Variants in FAM135A observed in about 807,000 individuals in gnomAD.
FAM135A encodes the protein protein FAM135A.
Under a neutral mutation model 146.8 loss-of-function variants are expected in FAM135A, and 79 were observed. The observed-to-expected ratio is 0.54, with a 90% confidence interval of 0.45 to 0.65. FAM135A has a LOEUF of 0.65. Among genes scored for constraint, FAM135A ranks in the 30% least tolerant of loss-of-function variants. FAM135A has a pLI of 0.00. For missense variants in FAM135A, 1,623 were observed against 1,758.2 expected, an observed-to-expected ratio of 0.92 and a Z score of 1.38; for synonymous variants, 562 against 603.6, an observed-to-expected ratio of 0.93 and a Z score of 1.01.
At chr6:70,517,618 C>T (rs929798247) in intron 12 of FAM135A, among the ~76,000 whole-genome samples, 1 of 151,898 alleles carries the variant, frequency 6.6e-6, no homozygotes, top group African/African-American at 2.4e-5. Context: ...AGGGTTTCAC[C>T]GTGTTGGTTA....
At chr6:70,532,389 A>G (rs1250176072) in intron 16 of FAM135A, among the ~76,000 whole-genome samples, 1 of 151,166 alleles carries the variant, frequency 6.6e-6, no homozygotes, top group Non-Finnish European at 1.5e-5. Flanking sequence ...GTTAATTATT[A>G]TTAAAATAAA....
At chr6:70,490,171 C>A (rs1031850264) in intron 10 of FAM135A, among the ~76,000 whole-genome samples, 1 of 152,056 alleles carries the variant, frequency 6.6e-6, no homozygotes, top group Non-Finnish European at 1.5e-5. Context: ...AGAATGTGTT[C>A]TTGCCTTTGT....
chr6:70,474,454 G>A (rs945314538), intron 5 of FAM135A, among the ~76,000 whole-genome samples: 2 of 152,130 alleles, frequency 1.3e-5, no homozygotes, highest in Non-Finnish European at 2.9e-5. Context: ...TTAGTGGTCT[G>A]CAAGCTACCC....
intron 20 of FAM135A, among the ~76,000 whole-genome samples, chr6:70,554,106 A>T (rs1800367279): frequency 6.6e-6 from 1 of 152,222 alleles, no homozygotes; most frequent in South Asian, 2.1e-4. Flanking sequence ...TTTAGATTTG[A>T]GGAGCAGATA....
chr6:70,490,000 G>A (rs1180287496), intron 10 of FAM135A, among the ~76,000 whole-genome samples: 2 of 152,084 alleles, frequency 1.3e-5, no homozygotes, highest in Non-Finnish European at 2.9e-5. Flanking sequence ...CTCGTATCTG[G>A]CCGTCTCCCC....
At chr6:70,489,762 C>T (rs948032217) in intron 10 of FAM135A, among the ~76,000 whole-genome samples, 1 of 152,114 alleles carries the variant, frequency 6.6e-6, no homozygotes. Flanking sequence ...CATGCTAGTA[C>T]ACACGTTGCT....
rs202084380 is a variant in FAM135A, at chr6:70,502,746, C to T, written c.984C>T (p.His328=). 4.7e-5 allele frequency: 76 copies of T among 1,612,378 alleles called. No homozygotes were observed. Among genetic ancestry groups the T allele is most frequent in the East Asian group, 1.3e-4 (6 of 44,756 alleles). Reference sequence around the variant, plus strand: ...AGTTTCTGGAAGTTATAACGCTACACGAAGAACTAAGAATATTATTAGCAC... The same window carrying T: ...AGTTTCTGGAAGTTATAACGCTACATGAAGAACTAAGAATATTATTAGCAC... ...WGQFLEVITL[H]EELRILLAQE... is the part of the protein sequence containing the mutation. The change falls in exon 12 of 22, where the codon CAC becomes CAT. Residue 328 remains histidine, a synonymous_variant. Coordinates refer to ENST00000418814, the MANE Select transcript of FAM135A (RefSeq NM_001162529.3).
chr6:70,426,442 G>T lies in FAM135A; in HGVS notation c.-130G>T, dbSNP rs914264217. The T allele has an allele frequency of 6.6e-6, 1 of 152,080 alleles. No individual in the cohort carries two copies. Among genetic ancestry groups the T allele is most frequent in the Non-Finnish European group, 1.5e-5 (1 of 68,034 alleles). The allele number at this position is 152,080 out of a possible 1,614,324, so 9.4% of individuals were successfully genotyped here. A position where few individuals can be genotyped will look rare whatever the true frequency, so the allele number is the denominator to read the frequency against. On this transcript the variant is annotated 5_prime_UTR_variant, in exon 3 of 22. An upstream open reading frame in the 5' UTR gains an earlier in-frame stop. Coordinates refer to ENST00000418814, the MANE Select transcript of FAM135A (RefSeq NM_001162529.3). ...ATGTTACTTTTTTTTCTCATAGGGG[G>T]AACGGTGTATTTTTAACAACGGGAA...
chr6:70,540,198 G>A (rs1797618297), intron 20 of FAM135A, among the ~76,000 whole-genome samples: 1 of 151,826 alleles, frequency 6.6e-6, no homozygotes, highest in Non-Finnish European at 1.5e-5. Context: ...TCATACCCAC[G>A]GCTACACTGT....
Position 70,558,403 on chromosome 6 carries a change from C to T in FAM135A, c.4343-1313C>T, listed in dbSNP as rs1312159021. Reference sequence around the variant, plus strand: ...TTATTAGTATATAGTAATGCATAAGCATTGTAAACAATGTTTTGCCCCTTA... The same window carrying T: ...TTATTAGTATATAGTAATGCATAAGTATTGTAAACAATGTTTTGCCCCTTA... On this transcript the variant is annotated intron_variant, in intron 21 of 21. Transcript: ENST00000418814. Among the ~76,000 whole-genome samples, 3 of 152,206 alleles carry T rather than the reference C, an allele frequency of 2.0e-5. No individual in the cohort carries two copies. In the East Asian group the frequency reaches 5.8e-4, roughly 29 times the overall value.
At chr6:70,506,658 G>A (rs1304981157) in intron 12 of FAM135A, among the ~76,000 whole-genome samples, 4 of 151,218 alleles carry the variant, frequency 2.6e-5, no homozygotes, top group East Asian at 3.9e-4. Context: ...AGAAGTAAAG[G>A]CCAGTAGCAA....
intron 19 of FAM135A, among the ~76,000 whole-genome samples, chr6:70,537,010 A>G (rs1004566375): frequency 6.8e-6 from 1 of 147,848 alleles, no homozygotes; most frequent in Non-Finnish European, 1.5e-5. Context: ...ATCTCGGCTC[A>G]CTGCAACTTT....
At chr6:70,522,052 G>A (rs910488957) in intron 12 of FAM135A, among the ~76,000 whole-genome samples, 3 of 152,220 alleles carry the variant, frequency 2.0e-5, no homozygotes, top group African/African-American at 7.2e-5. Flanking sequence ...GAGTAGCTGG[G>A]ATTACAAGCA....
intron 14 of FAM135A, 67 bp downstream of exon 14, chr6:70,524,188 C>A: frequency 6.9e-7 from 1 of 1,459,202 alleles, no homozygotes; most frequent in Non-Finnish European, 9.2e-7. Flanking sequence ...TCCTAATATA[C>A]ATAAAACCAT....
intron 10 of FAM135A, among the ~76,000 whole-genome samples, chr6:70,485,346 T>C (rs1231133908): frequency 2.0e-5 from 3 of 152,126 alleles, no homozygotes; most frequent in African/African-American, 7.2e-5. Context: ...TTTCTCTTTA[T>C]TGTGAATTTT....
intron 10 of FAM135A, 112 bp downstream of exon 10, chr6:70,482,266 T>C: frequency 1.0e-6 from 1 of 1,003,108 alleles, no homozygotes; most frequent in East Asian, 2.8e-5. Flanking sequence ...ACAGTGTTTG[T>C]GTGCTTCACT....
chr6:70,482,278 C>A, intron 10 of FAM135A, 124 bp downstream of exon 10: 1 of 866,780 alleles, frequency 1.2e-6, no homozygotes, highest in Non-Finnish European at 1.6e-6. Context: ...TGCTTCACTT[C>A]TCTATCAATT....
At chr6:70,530,751 T>TCAAA (rs987082651) in intron 16 of FAM135A, among the ~76,000 whole-genome samples, 1 of 151,972 alleles carries the variant, frequency 6.6e-6, no homozygotes, top group African/African-American at 2.4e-5. Flanking sequence ...AGACTCCATC[T>TCAAA]CAAACAAACA....
At chr6:70,503,492 A>C (rs940102739) in intron 12 of FAM135A, 1 of 152,176 alleles carries the variant, frequency 6.6e-6, no homozygotes, top group African/African-American at 2.4e-5. Context: ...TGCATAAAAC[A>C]GGCACATTTT....
Sources: allele counts gnomAD v4.1 joint callset (sites outside exome capture counted in the v4.1 genomes callset), GRCh38; gene constraint gnomAD v4.1.1; transcripts MANE v1.5; gene names NCBI Gene and HGNC (gene_info 2026-07-23, HGNC 2026-07-21).